Variants in FBXL17 observed in about 807,000 individuals in gnomAD.
FBXL17 encodes the protein F-box/LRR-repeat protein 17.
In FBXL17, 22 loss-of-function variants were observed where a neutral mutation model predicts 66.2. The ratio of observed to expected loss-of-function variants is 0.33; its 90% CI spans 0.24 to 0.47. FBXL17 has a LOEUF of 0.47. Among genes scored for constraint, FBXL17 ranks in the 20% least tolerant of loss-of-function variants. The pLI, the probability that FBXL17 is intolerant of heterozygous loss-of-function variation, is 1.00. For missense variants in FBXL17, 878 were observed against 948.2 expected (o/e 0.93, Z 0.97); for synonymous variants, 474 against 400.5 (o/e 1.18, Z -2.19).
intron 6 of FBXL17, among the ~76,000 whole-genome samples, chr5:108,032,673 C>CGT (rs1423345688): frequency 1.3e-5 from 2 of 152,084 alleles, no homozygotes; most frequent in Non-Finnish European, 2.9e-5. Flanking sequence ...TGGATTCTTC[C>CGT]GTAGAGCCTC....
intron 6 of FBXL17, among the ~76,000 whole-genome samples, chr5:108,133,437 T>C (rs1751013067): frequency 6.6e-6 from 1 of 152,194 alleles, no homozygotes; most frequent in African/African-American, 2.4e-5. Flanking sequence ...AATAAACTAT[T>C]TGAAATTATG....
At chr5:108,173,113 C>G (rs1396280146) in intron 6 of FBXL17, among the ~76,000 whole-genome samples, 6 of 152,122 alleles carry the variant, frequency 3.9e-5, no homozygotes, top group African/African-American at 1.4e-4. Context: ...CAGCAGTTTT[C>G]TAATTGAACA....
intron 6 of FBXL17, among the ~76,000 whole-genome samples, chr5:108,101,982 C>T (rs1749619119): frequency 6.6e-6 from 1 of 152,252 alleles, no homozygotes; most frequent in South Asian, 2.1e-4. Context: ...TTCACAGGTT[C>T]CCAGGGTGGC....
intron 5 of FBXL17, among the ~76,000 whole-genome samples, chr5:108,216,859 T>C (rs773714872): frequency 4.6e-5 from 7 of 152,058 alleles, no homozygotes; most frequent in Non-Finnish European, 8.8e-5. Flanking sequence ...CTCCAGCCCA[T>C]TTGGATAAAA....
intron 6 of FBXL17, among the ~76,000 whole-genome samples, chr5:108,084,852 T>C (rs568444721): frequency 6.6e-6 from 1 of 152,302 alleles, no homozygotes; most frequent in Non-Finnish European, 1.5e-5. Context: ...ATCAATACAA[T>C]AGGTGTCCCA....
At chr5:108,200,037 C>CA (rs1753825639) in intron 5 of FBXL17, among the ~76,000 whole-genome samples, 1 of 152,068 alleles carries the variant, frequency 6.6e-6, no homozygotes. Flanking sequence ...CATCCCAAAG[C>CA]TGAAGACACA....
Position 108,382,005 on chromosome 5 carries a change from C to CTCAG in FBXL17, c.-318_-315dup. 4.3e-6 allele frequency: 5 copies of CTCAG among 1,151,626 alleles called. No homozygotes were observed. The highest frequency in any genetic ancestry group is 5.4e-6 in the Non-Finnish European group (5 of 932,608). The allele number at this position is 1,151,626 out of a possible 1,614,324, so 71.3% of individuals were successfully genotyped here. A position where few individuals can be genotyped will look rare whatever the true frequency, so the allele number is the denominator to read the frequency against. On this transcript the variant is annotated 5_prime_UTR_variant, in exon 1 of 9. Transcript: ENST00000542267. ...GACCAGTCCGGGCCCGGCCAGCCGGCTCAGTCAGTCAGCGGAGCGGCCGGG... is the reference window on the plus strand; with the variant it reads ...GACCAGTCCGGGCCCGGCCAGCCGGCTCAGTCAGTCAGTCAGCGGAGCGGCCGGG...
intron 6 of FBXL17, among the ~76,000 whole-genome samples, chr5:108,072,926 A>G (rs929570799): frequency 2.0e-5 from 3 of 152,212 alleles, no homozygotes; most frequent in African/African-American, 7.2e-5. Context: ...ATCTGAGATG[A>G]AAAAGATAAA....
intron 6 of FBXL17, among the ~76,000 whole-genome samples, chr5:108,182,092 A>C (rs1387405693): frequency 1.3e-5 from 2 of 152,188 alleles, no homozygotes; most frequent in African/African-American, 4.8e-5. Flanking sequence ...AAGGCTCACT[A>C]TTATCATTAA....
chr5:107,878,266 A>G (rs57333459), intron 8 of FBXL17: 2 of 953,652 alleles, frequency 2.1e-6, no homozygotes, highest in Non-Finnish European at 2.5e-6. Flanking sequence ...TTGTCTTTCA[A>G]AATGGGATAG....
intron 6 of FBXL17, among the ~76,000 whole-genome samples, chr5:108,106,939 T>C (rs1749822138): frequency 6.6e-6 from 1 of 152,178 alleles, no homozygotes; most frequent in South Asian, 2.1e-4. Context: ...TTGTGGTATG[T>C]AAATTACATC....
chr5:108,247,158 T>C (rs1018451015), intron 4 of FBXL17, among the ~76,000 whole-genome samples: 2 of 152,148 alleles, frequency 1.3e-5, no homozygotes, highest in African/African-American at 4.8e-5. Context: ...ATGAGATAAA[T>C]GCTAAAACGA....
intron 5 of FBXL17, among the ~76,000 whole-genome samples, chr5:108,210,268 G>A (rs1274533071): frequency 4.6e-5 from 7 of 152,006 alleles, no homozygotes; most frequent in Admixed American, 4.6e-4. Context: ...CCAGCTCCTG[G>A]ATTCATTGAT....
In FBXL17 at chr5:108,381,935, C is replaced by T. The variant is rs1749998230; in HGVS notation, c.-244G>A. The T allele has an allele frequency of 8.0e-7, 1 of 1,250,280 alleles. No homozygotes were observed. Among genetic ancestry groups the T allele is most frequent in the South Asian group, 3.0e-5 (1 of 33,434 alleles). The allele number at this position is 1,250,280 out of a possible 1,614,324, so 77.4% of individuals were successfully genotyped here. The stretch of plus-strand genomic sequence containing the variant: ...AAGCCGGGAGAACGATGGGCGCGAG[C>T]TTTGGGGACGCGAGGGAGGGAGCGA... On this transcript the variant is annotated 5_prime_UTR_variant, in exon 1 of 9. Coordinates refer to ENST00000542267, the MANE Select transcript of FBXL17 (RefSeq NM_001163315.3).
chr5:108,071,225 T>C (rs1188172279), intron 6 of FBXL17, among the ~76,000 whole-genome samples: 1 of 152,222 alleles, frequency 6.6e-6, no homozygotes, highest in African/African-American at 2.4e-5. Context: ...ATGTGCACTT[T>C]AGTATTGTGT....
intron 5 of FBXL17, among the ~76,000 whole-genome samples, chr5:108,209,604 A>T (rs971595630): frequency 6.6e-5 from 10 of 152,120 alleles, no homozygotes; most frequent in African/African-American, 2.2e-4. Flanking sequence ...TTATGTGATG[A>T]ATTACATTTA....
chr5:108,178,980 C>T (rs1017158536), intron 6 of FBXL17, among the ~76,000 whole-genome samples: 1 of 152,154 alleles, frequency 6.6e-6, no homozygotes, highest in Non-Finnish European at 1.5e-5. Flanking sequence ...AATCTTTAAA[C>T]CTCAGTCTCT....
At chr5:108,071,792 T>G (rs1748344532) in intron 6 of FBXL17, among the ~76,000 whole-genome samples, 1 of 152,146 alleles carries the variant, frequency 6.6e-6, no homozygotes, top group Admixed American at 6.5e-5. Context: ...TCTACATATT[T>G]CACTTACTCA....
At chr5:107,935,857 C>G (rs1389663782) in intron 7 of FBXL17, among the ~76,000 whole-genome samples, 1 of 152,052 alleles carries the variant, frequency 6.6e-6, no homozygotes, top group Non-Finnish European at 1.5e-5. Context: ...ACCATAGCAA[C>G]CTGAAAGGGT....
Sources: gnomAD v4.1 joint callset for allele counts (sites outside exome capture counted in the v4.1 genomes callset) on GRCh38, gnomAD v4.1.1 for gene constraint, MANE v1.5 for transcripts, NCBI Gene and HGNC (gene_info 2026-07-23, HGNC 2026-07-21) for gene names.